Variants in ZNF768 observed in about 807,000 individuals in gnomAD.
ZNF768 encodes the protein zinc finger protein 768.
In ZNF768, 12 loss-of-function variants were observed where a neutral mutation model predicts 39.7. The ratio of observed to expected loss-of-function variants is 0.30; its 90% CI spans 0.19 to 0.49. The LOEUF is 0.49. Ranked by LOEUF, ZNF768 falls within the 20% of genes least tolerant of loss-of-function variation. The probability of loss-of-function intolerance (pLI) is 0.99; values close to 1 mark genes in which losing one functional copy is unlikely to be tolerated. For synonymous variants in ZNF768, 360 were observed against 288.4 expected (o/e 1.25, Z -2.52); for missense variants, 613 against 723.2 (o/e 0.85, Z 1.75).
At chr16:30,529,742 TC>T (rs2051354199), upstream of ZNF768, among the ~76,000 whole-genome samples, 1 of 151,954 alleles carries the variant, frequency 6.6e-6, no homozygotes, top group Non-Finnish European at 1.5e-5. Flanking sequence ...CGTGGTTCTC[TC>T]AAACTTTCAC....
Position 30,525,682 on chromosome 16 carries a change from T to C in ZNF768, c.458A>G (p.Asn153Ser), listed in dbSNP as rs1334703098. The C allele has an allele frequency of 1.2e-6, 2 of 1,614,152 alleles. 1 individual carries two copies. The highest frequency in any genetic ancestry group is 2.2e-5 in the South Asian group (2 of 91,086). ...ESESSRYESQ[N>S]TELKTQSPEF... ...TGGGCTTTGGGTTTTGAGCTCAGTG[T>C]TCTGGGATTCATATCTAGAGCTCTC... Residue 153 changes from asparagine to serine, a missense_variant, in exon 2 of 2, where the codon AAC becomes AGC. Coordinates refer to ENST00000380412, the MANE Select transcript of ZNF768 (RefSeq NM_024671.4).
chr16:30,526,657 GC>G (rs1016910799), upstream of ZNF768: 2 of 954,928 alleles, frequency 2.1e-6, no homozygotes, highest in Non-Finnish European at 2.5e-6. Context: ...GCCCTCACTG[GC>G]CCCCGCGCGT....
At chr16:30,528,530 G>T (rs1419596691), upstream of ZNF768, among the ~76,000 whole-genome samples, 1 of 152,130 alleles carries the variant, frequency 6.6e-6, no homozygotes, top group Non-Finnish European at 1.5e-5. Context: ...CTCTAGTCTG[G>T]GTGACAGAGC....
At position 30,526,081 on chromosome 16, in the gene ZNF768, A is replaced by G. The variant is rs759117612; in HGVS notation, c.89-30T>C. 5 of 1,493,608 alleles carry G rather than the reference A, an allele frequency of 3.3e-6. No homozygotes were observed. In the African/African-American group the frequency reaches 7.1e-5, roughly 21 times the overall value. 92.5% of individuals were successfully genotyped at this position (1,493,608 alleles called of 1,614,324 possible). On this transcript the variant is annotated intron_variant, in intron 1 of 1. Coordinates refer to ENST00000380412, the MANE Select transcript of ZNF768 (RefSeq NM_024671.4). ...AGGATGAGAGAATCCAGATCGTGTG[A>G]GACCTGGAAGGTCATTTGGTCCATT... is the stretch of plus-strand genomic sequence containing the variant.
chr16:30,531,672 C>G (rs1367156037), upstream of ZNF768: 1 of 152,202 alleles, frequency 6.6e-6, no homozygotes, highest in Non-Finnish European at 1.5e-5. Flanking sequence ...CACCTGTAGT[C>G]ACAGCCATCT....
Position 30,524,842 on chromosome 16 carries a change from T to G in ZNF768, c.1298A>C (p.Glu433Ala). 1 of 1,610,840 alleles carries G rather than the reference T, an allele frequency of 6.2e-7. No homozygotes were observed. The change falls in exon 2 of 2, where the codon GAG becomes GCG. Residue 433 changes from glutamate (E) to alanine (A), a missense_variant. Transcript: ENST00000380412. The part of the protein sequence containing the change: ...HAREKPFKCP[E>A]CGKRFGQSSV... Reference sequence around the variant, plus strand: ...GCTCTGGCCAAAGCGCTTGCCGCACTCAGGGCACTTGAAGGGCTTCTCCCG... The same window carrying G: ...GCTCTGGCCAAAGCGCTTGCCGCACGCAGGGCACTTGAAGGGCTTCTCCCG...
upstream of ZNF768, chr16:30,530,663 C>T (rs893898421): frequency 2.0e-5 from 3 of 152,190 alleles, no homozygotes; most frequent in Non-Finnish European, 2.9e-5. The surrounding 1 kb of genome is among the most constrained non-coding windows in gnomAD (Gnocchi z 4.4). Context: ...AGATGAGGTT[C>T]GAATAAAGTC....
At chr16:30,526,728 G>T, upstream of ZNF768, 1 of 181,122 alleles carries the variant, frequency 5.5e-6, no homozygotes, top group Non-Finnish European at 7.4e-6. Flanking sequence ...CCCCGCTCCC[G>T]CCCGAGCCCC....
chr16:30,532,164 TAAAAAG>T, the ZNF768 span: 1 of 366,360 alleles, frequency 2.7e-6, no homozygotes, highest in Non-Finnish European at 5.0e-6. Context: ...ATTAAAAAAG[TAAAAAG>T]AAAAAGACAA....
chr16:30,524,628 G>A lies in ZNF768; in HGVS notation c.1512C>T (p.His504=), dbSNP rs1249038438. The A allele has an allele frequency of 2.7e-5, 44 of 1,612,546 alleles. No homozygotes were observed. In the Admixed American group the frequency reaches 7.2e-4, roughly 26 times the overall value. ...AAGGCCGCTCGCCACTGTGGACCCG[G>A]TGATGCTGCAGAAGCGTGGAGGAGC... ...FCRSSTLLQH[H]RVHSGERPYK... The change falls in exon 2 of 2, where the codon CAC becomes CAT. Residue 504 remains histidine, a synonymous_variant. Transcript: ENST00000380412.
At chr16:30,531,840 G>A in the ZNF768 span, 1 of 152,788 alleles carries the variant, frequency 6.5e-6, no homozygotes, top group Admixed American at 6.5e-5. Flanking sequence ...TGTCTTGTGG[G>A]AAGGTCAAAG....
In ZNF768 at chr16:30,525,126, A is replaced by C. The variant is rs1219976650; in HGVS notation, c.1014T>G (p.Thr338=). 3 of 1,611,724 alleles carry C rather than the reference A, an allele frequency of 1.9e-6. No individual in the cohort carries two copies. The highest frequency in any genetic ancestry group is 2.5e-6 in the Non-Finnish European group (3 of 1,179,220). ...DSSYLLRHQR[T]HSGQKPYKCP... is the part of the protein sequence containing the mutation. The stretch of plus-strand genomic sequence containing the variant: ...ACTTGTAGGGCTTCTGGCCAGAGTG[A>C]GTGCGCTGGTGGCGAAGCAGGTAAG... The change falls in exon 2 of 2, where the codon ACT becomes ACG. Residue 338 remains threonine (T), a synonymous_variant. Transcript: ENST00000380412.
At chr16:30,529,926 C>T (rs1045282806), upstream of ZNF768, among the ~76,000 whole-genome samples, 7 of 150,744 alleles carry the variant, frequency 4.6e-5, no homozygotes, top group East Asian at 2.0e-4. Flanking sequence ...TGAGTTCAAG[C>T]GATTCTCCTG....
rs751412230 is a variant in ZNF768, at chr16:30,525,616, T to C, written c.524A>G (p.Glu175Gly). ...CTTTTCCTCGGGGTTCAGAAGCATCTCCGCACCTTCCTGGAATTTGGAACT... is the reference window on the plus strand; with the variant it reads ...CTTTTCCTCGGGGTTCAGAAGCATCCCCGCACCTTCCTGGAATTTGGAACT... ...AQSSKFQEGAEMLLNPEEKSP... is the reference protein window; with the variant it reads ...AQSSKFQEGAGMLLNPEEKSP... Residue 175 changes from glutamate (E) to glycine (G), a missense_variant, in exon 2 of 2, where the codon GAG becomes GGG. Around this residue, in one of 4 missense-constraint regions of ZNF768, gnomAD observed 347 missense variants for 326.1 expected, o/e 1.06. Coordinates refer to ENST00000380412, the MANE Select transcript of ZNF768 (RefSeq NM_024671.4). 3.1e-6 allele frequency: 5 copies of C among 1,614,126 alleles called. No homozygotes were observed. In the African/African-American group the frequency reaches 4.0e-5, roughly 13 times the overall value.
upstream of ZNF768, chr16:30,527,183 C>T (rs954731759): frequency 2.0e-5 from 20 of 985,418 alleles, no homozygotes; most frequent in Admixed American, 8.6e-4. Context: ...CCGGCAGCGC[C>T]TCGGGAACCG....
Position 30,524,477 on chromosome 16 carries a change from A to C in ZNF768, c.*40T>G, listed in dbSNP as rs2051301062. The C allele has an allele frequency of 1.3e-6, 2 of 1,569,942 alleles. No homozygotes were observed. Among genetic ancestry groups the C allele is most frequent in the East Asian group, 2.2e-5 (1 of 44,602 alleles). On this transcript the variant is annotated 3_prime_UTR_variant, in exon 2 of 2. Transcript: ENST00000380412. ...GGTTCCTCTAGCTCCCTGGCCCCTT[A>C]TCTTCTGCCCACACCTCCCACCCCT...
chr16:30,526,012 T>G lies in ZNF768; in HGVS notation c.128A>C (p.Gln43Pro). 6.7e-7 allele frequency: 1 copy of G among 1,497,630 alleles called. No individual in the cohort carries two copies. The highest frequency in any genetic ancestry group is 8.9e-7 in the Non-Finnish European group (1 of 1,126,692). 92.8% of individuals were successfully genotyped at this position (1,497,630 alleles called of 1,614,324 possible). ...GACTTCATAGTCCCCACTGCCTTCT[T>G]GCTGAGAAATTTCCTCTTCCTCATT... ...SENEEEEISQ[Q>P]EGSGDYEVEE... The change falls in exon 2 of 2, where the codon CAA becomes CCA. Residue 43 changes from glutamine (Q) to proline (P), a missense_variant. Physicochemically the swap from Gln to Pro is moderately conservative, Grantham distance 76. Around this residue, in one of 4 missense-constraint regions of ZNF768, gnomAD observed 347 missense variants for 326.1 expected, o/e 1.06. Transcript: ENST00000380412.
chr16:30,531,997 A>G, the ZNF768 span: 1 of 171,662 alleles, frequency 5.8e-6, no homozygotes, highest in Admixed American at 5.5e-5. Context: ...AAATACAAAA[A>G]GTTAGCCGGG....
Position 30,525,315 on chromosome 16 carries a change from G to C in ZNF768, c.825C>G (p.Thr275=), listed in dbSNP as rs766752472. 3.1e-6 allele frequency: 5 copies of C among 1,614,206 alleles called. No individual in the cohort carries two copies. In the South Asian group the frequency reaches 5.5e-5, roughly 18 times the overall value. The change falls in exon 2 of 2, where the codon ACC becomes ACG. Residue 275 remains threonine (T), a synonymous_variant. Transcript: ENST00000380412. ...TGTGGATGCGCTGGTGCTGGATCAG[G>C]GTGGAGCCCCGCCCGAAGCTCTTCC... ...ICGKSFGRGS[T]LIQHQRIHTG...
Sources: allele counts gnomAD v4.1 joint callset (sites outside exome capture counted in the v4.1 genomes callset), GRCh38; gene constraint gnomAD v4.1.1; regional missense constraint gnomAD v4.1.1; non-coding constraint Gnocchi (gnomAD v3.1); transcripts MANE v1.5; gene names NCBI Gene and HGNC (gene_info 2026-07-23, HGNC 2026-07-21).